The following PPP6R2 variants were observed in gnomAD, a reference collection of about 807,000 sequenced individuals.
The protein encoded by PPP6R2 is serine/threonine-protein phosphatase 6 regulatory subunit 2.
Under a neutral mutation model 100.2 loss-of-function variants are expected in PPP6R2, and 62 were observed. That is an observed-to-expected ratio of 0.62 (90% CI 0.50 to 0.76). PPP6R2 has a LOEUF of 0.76. PPP6R2 is among the 30% of genes least tolerant of loss of function. The pLI, the probability that PPP6R2 is intolerant of heterozygous loss-of-function variation, is 0.00. For synonymous variants in PPP6R2, 525 were observed against 514.7 expected, an observed-to-expected ratio of 1.02 and a Z score of -0.27; for missense variants, 1,142 against 1,276.3, an observed-to-expected ratio of 0.89 and a Z score of 1.60.
At chr22:50,435,217 CCT>C in intron 13 of PPP6R2, 136 bp downstream of exon 13, 1 of 618,894 alleles carries the variant, frequency 1.6e-6, no homozygotes, top group Non-Finnish European at 2.7e-6. Flanking sequence ...CCACCTCTGT[CCT>C]CTCACTTCAC....
At chr22:50,333,789 C>T in the PPP6R2 span, among the ~76,000 whole-genome samples, 1 of 152,266 alleles carries the variant, frequency 6.6e-6, no homozygotes, top group South Asian at 2.1e-4. Flanking sequence ...GCCCTGGGGA[C>T]CACTACCACC....
chr22:50,351,026 GTTTT>G lies in PPP6R2; in HGVS notation c.-148+7504_-148+7507del, dbSNP rs1195469509. 4.5e-3 allele frequency among the ~76,000 whole-genome samples: 365 copies of G among 80,710 alleles called. 27 individuals carry two copies. Among genetic ancestry groups the G allele is most frequent in the African/African-American group, 0.017 (329 of 19,518 alleles). 52.9% of individuals were successfully genotyped at this position (80,710 alleles called of 152,430 possible). ...TTTCTGAGCAGTAGGTCTCAACAGT[GTTTT>G]TTTTTTTTTTTTTTTTTTTTTTTTT... On this transcript the variant is annotated intron_variant, in intron 1 of 23. Coordinates refer to ENST00000612753, the MANE Select transcript of PPP6R2 (RefSeq NM_001242898.2).
chr22:50,361,510 T>A (rs2047789401), intron 1 of PPP6R2, among the ~76,000 whole-genome samples: 1 of 152,138 alleles, frequency 6.6e-6, no homozygotes, highest in African/African-American at 2.4e-5. Flanking sequence ...GGCTCTTACT[T>A]CTTCTGTGCG....
chr22:50,338,587 TTGTGGTG>T (rs1569218370), upstream of PPP6R2, among the ~76,000 whole-genome samples: 4 of 97,126 alleles, frequency 4.1e-5, no homozygotes, highest in African/African-American at 1.8e-4. Context: ...TGGTGTGTGT[TTGTGGTG>T]TGTGGTGTGT....
intron 1 of PPP6R2, among the ~76,000 whole-genome samples, chr22:50,363,393 T>A: frequency 6.6e-6 from 1 of 152,226 alleles, no homozygotes; most frequent in East Asian, 1.9e-4. Context: ...GGCTTTTACT[T>A]CAGAATTATA....
At chr22:50,392,846 G>A (rs920080298) in intron 2 of PPP6R2, among the ~76,000 whole-genome samples, 3 of 152,164 alleles carry the variant, frequency 2.0e-5, no homozygotes, top group African/African-American at 4.8e-5. Flanking sequence ...GGGCATCACC[G>A]GCTTTACAGT....
intron 1 of PPP6R2, among the ~76,000 whole-genome samples, chr22:50,356,651 G>C (rs946315623): frequency 2.0e-5 from 3 of 151,984 alleles, no homozygotes; most frequent in Non-Finnish European, 4.4e-5. Flanking sequence ...GCCAGTTTTC[G>C]GCCGGTTGTG....
intron 3 of PPP6R2, among the ~76,000 whole-genome samples, chr22:50,396,230 C>T (rs1209049579): frequency 7.3e-6 from 1 of 136,406 alleles, no homozygotes; most frequent in South Asian, 2.4e-4. Context: ...GGTGTGGTGG[C>T]TCACACCTGT....
intron 2 of PPP6R2, among the ~76,000 whole-genome samples, chr22:50,377,809 C>G (rs2051941341): frequency 6.6e-6 from 1 of 152,024 alleles, no homozygotes; most frequent in Non-Finnish European, 1.5e-5. Flanking sequence ...GAGTTCCAGA[C>G]CAGCCTGGCC....
intron 2 of PPP6R2, chr22:50,392,055 T>G (rs183227288): frequency 6.6e-6 from 1 of 150,856 alleles, no homozygotes; most frequent in East Asian, 1.9e-4. Context: ...GAGAGAGGAG[T>G]ATCTGATATG....
chr22:50,382,010 A>G (rs961294075), intron 2 of PPP6R2, among the ~76,000 whole-genome samples: 1 of 152,206 alleles, frequency 6.6e-6, no homozygotes, highest in Non-Finnish European at 1.5e-5. Flanking sequence ...AAAAGCTGCA[A>G]CAATTTTTTT....
intron 1 of PPP6R2, among the ~76,000 whole-genome samples, chr22:50,347,803 C>T (rs1008363381): frequency 6.6e-6 from 1 of 152,164 alleles, no homozygotes; most frequent in African/African-American, 2.4e-5. Flanking sequence ...CTTCTCCTTG[C>T]CCCTGCAGTT....
At chr22:50,332,230 G>A in the PPP6R2 span, among the ~76,000 whole-genome samples, 18 of 148,152 alleles carry the variant, frequency 1.2e-4, no homozygotes, top group East Asian at 3.5e-3. Flanking sequence ...TCTTCTAGAA[G>A]ATTTTTTTTT....
At chr22:50,355,435 T>G (rs2046295602) in intron 1 of PPP6R2, among the ~76,000 whole-genome samples, 1 of 151,646 alleles carries the variant, frequency 6.6e-6, no homozygotes, top group Admixed American at 6.6e-5. Flanking sequence ...AGAAGGGGTT[T>G]CACTGTGGTC....
chr22:50,436,174 G>A (rs1378071146), intron 13 of PPP6R2, among the ~76,000 whole-genome samples, 193 bp from the exon 14 acceptor site: 4 of 152,200 alleles, frequency 2.6e-5, no homozygotes, highest in Non-Finnish European at 5.9e-5. Context: ...GTGGCCCCAG[G>A]CCCCTCCGGA....
chr22:50,349,851 G>C (rs942209116), intron 1 of PPP6R2, among the ~76,000 whole-genome samples: 1 of 149,754 alleles, frequency 6.7e-6, no homozygotes, highest in African/African-American at 2.5e-5. Context: ...AGCTGGGTGT[G>C]GTGGCCCACG....
At chr22:50,350,824 G>A (rs1202258463) in intron 1 of PPP6R2, among the ~76,000 whole-genome samples, 5 of 142,878 alleles carry the variant, frequency 3.5e-5, no homozygotes, top group Non-Finnish European at 4.5e-5. Flanking sequence ...CAGCCTGGGC[G>A]ACAGAGCAAG....
At chr22:50,370,481 G>A (rs899624643) in intron 1 of PPP6R2, among the ~76,000 whole-genome samples, 1 of 151,516 alleles carries the variant, frequency 6.6e-6, no homozygotes, top group Non-Finnish European at 1.5e-5. Context: ...TAGAGATGGG[G>A]TTTCACTATG....
At chr22:50,394,280 A>T in intron 3 of PPP6R2, 145 bp downstream of exon 3, 1 of 1,281,970 alleles carries the variant, frequency 7.8e-7, no homozygotes. Flanking sequence ...TGAGGAGGGC[A>T]CTCCCATGGG....
Sources: gnomAD v4.1 joint callset for allele counts (sites outside exome capture counted in the v4.1 genomes callset) on GRCh38, gnomAD v4.1.1 for gene constraint, MANE v1.5 for transcripts, NCBI Gene and HGNC (gene_info 2026-07-23, HGNC 2026-07-21) for gene names.